Variants in TTN observed in about 807,000 individuals in gnomAD.
TTN encodes the protein connectin.
Under a neutral mutation model 3,223.0 loss-of-function variants are expected in TTN, and 1,525 were observed. That is an observed-to-expected ratio of 0.47 (90% CI 0.45 to 0.49). The LOEUF (loss-of-function observed/expected upper bound fraction) is 0.49. TTN is among the 20% of genes least tolerant of loss of function. TTN has a pLI of 0.00. For missense variants in TTN, 40,786 were observed against 43,424.0 expected, an observed-to-expected ratio of 0.94 and a Z score of 5.40; for synonymous variants, 14,094 against 15,161.0, an observed-to-expected ratio of 0.93 and a Z score of 5.17.
In TTN at chr2:178,663,587, A is replaced by G. The variant is rs370229754; in HGVS notation, c.36532+40T>C. Reference sequence around the variant, plus strand: ...CTAGAAAAATATTTTCCAGAGCAGAAGAGATACATCATCTGAAGCCTAAAA... The same window carrying G: ...CTAGAAAAATATTTTCCAGAGCAGAGGAGATACATCATCTGAAGCCTAAAA... On this transcript the variant is annotated intron_variant, in intron 171 of 362. Transcript: ENST00000589042. The G allele has an allele frequency of 1.6e-5, 26 of 1,613,530 alleles. 1 individual carries two copies. In the South Asian group the frequency reaches 2.3e-4, roughly 14 times the overall value.
Position 178,667,668 on chromosome 2 carries a change from G to T in TTN, c.35599C>A (p.Pro11867Thr), listed in dbSNP as rs938318331. ...GCTAGTTTGGGTTTTGTCTTTTGAGGTTGAGTCACAAGTACTTTTTCTTCT... is the reference window on the plus strand; with the variant it reads ...GCTAGTTTGGGTTTTGTCTTTTGAGTTTGAGTCACAAGTACTTTTTCTTCT... ...VLEEKVLVTQ[P>T]QKTKPKLAKV... The change falls in exon 160 of 363, where the codon CCT becomes ACT. Residue 11867 changes from proline to threonine, a missense_variant. By Grantham distance (38) the Pro-to-Thr change is conservative. Coordinates refer to ENST00000589042, the MANE Select transcript of TTN (RefSeq NM_001267550.2). 2 of 1,597,270 alleles carry T rather than the reference G, an allele frequency of 1.3e-6. No homozygotes were observed. Among genetic ancestry groups the T allele is most frequent in the Non-Finnish European group, 1.7e-6 (2 of 1,179,208 alleles).
In TTN at chr2:178,741,020, A is replaced by C; in HGVS notation, c.12213T>G (p.Ile4071Met). Residue 4071 changes from isoleucine to methionine, a missense_variant, in exon 48 of 363, where the codon ATT (isoleucine) becomes ATG (methionine). Transcript: ENST00000589042. The stretch of plus-strand genomic sequence containing the variant: ...AAATGGTGTCTTTTACAAACGTTGC[A>C]ATTTCCTGCTCTGAGTCAAGTGCTT... ...AVEALDSEQE[I>M]ATFVKDTILK... 1 of 1,613,918 alleles carries C rather than the reference A, an allele frequency of 6.2e-7. No homozygotes were observed. Among genetic ancestry groups the C allele is most frequent in the Non-Finnish European group, 8.5e-7 (1 of 1,179,830 alleles).
Position 178,571,593 on chromosome 2 carries a change from C to T in TTN, c.74539G>A (p.Glu24847Lys). The T allele has an allele frequency of 6.2e-7, 1 of 1,613,206 alleles. No individual in the cohort carries two copies. Among genetic ancestry groups the T allele is most frequent in the Non-Finnish European group, 8.5e-7 (1 of 1,179,564 alleles). The change falls in exon 326 of 363, where the codon GAG becomes AAG. Residue 24847 changes from glutamate (E) to lysine (K), a missense_variant. Physicochemically the swap from Glu to Lys is moderately conservative, Grantham distance 56. Coordinates refer to ENST00000589042, the MANE Select transcript of TTN (RefSeq NM_001267550.2). The part of the protein sequence containing the change: ...GGSSINNYIV[E>K]KRDTSTTTWQ... ...GTGGTTGTGGAAGTGTCCCGTTTCTCAACAATGTAATTATTGATAGAACTT... is the reference window on the plus strand; with the variant it reads ...GTGGTTGTGGAAGTGTCCCGTTTCTTAACAATGTAATTATTGATAGAACTT...
At position 178,542,723 on chromosome 2, in the gene TTN, G is replaced by GTA. The variant is rs748382770; in HGVS notation, c.97129_97130dup (p.Leu32379HisfsTer4). The GTA allele has an allele frequency of 1.9e-6, 3 of 1,613,794 alleles. No individual in the cohort carries two copies. Among genetic ancestry groups the GTA allele is most frequent in the Non-Finnish European group, 2.5e-6 (3 of 1,179,758 alleles). ...CGGTAACATTCTTCAATTCAAGTGT[G>GTA]TATTCTCCAGTATCTCTGATAGTGG... On this transcript the variant is annotated frameshift_variant, in exon 348 of 363. Transcript: ENST00000589042. LOFTEE classifies it high-confidence loss of function.
chr2:178,575,485 G>A lies in TTN; in HGVS notation c.70647C>T (p.Val23549=), dbSNP rs752532543. The A allele has an allele frequency of 8.1e-6, 13 of 1,613,572 alleles. No individual in the cohort carries two copies. The highest frequency in any genetic ancestry group is 1.3e-5 in the African/African-American group (1 of 74,910). Residue 23549 remains valine, a synonymous_variant, in exon 326 of 363, where the codon GTC becomes GTT. Coordinates refer to ENST00000589042, the MANE Select transcript of TTN (RefSeq NM_001267550.2). This position sits in a 1 kb window ranked among gnomAD's most constrained non-coding sequence, Gnocchi z 4.0. ...GTTTGGGCTTAGGCCATGCCAGGCT[G>A]ACGGTGCTCTTAGTTATGTCCATGA... The part of the protein sequence containing the change: ...LNIMDITKST[V]SLAWPKPKHD...
At chr2:178,722,216 G>A in intron 77 of TTN, 43 bp downstream of exon 77, 1 of 1,530,578 alleles carries the variant, frequency 6.5e-7, no homozygotes. Context: ...AATGAAATAT[G>A]AAGCCACAGT....
intron 25 of TTN, 21 bp from the exon 26 acceptor site, chr2:178,777,605 G>T: frequency 1.9e-6 from 3 of 1,613,536 alleles, no homozygotes; most frequent in Non-Finnish European, 2.5e-6. Context: ...ATGTTTAAAA[G>T]AAAGTAGATT....
chr2:178,582,105 A>T lies in TTN; in HGVS notation c.66264T>A (p.Thr22088=), dbSNP rs768454907. Residue 22088 remains threonine (T), a synonymous_variant, in exon 315 of 363, where the codon ACT becomes ACA. Transcript: ENST00000589042. ...TTTCCCGCTTTTCAAGCAAATAGCC[A>T]GTGATGGGTGAGCCCCCATCATCTG... ...PPADDGGSPI[T]GYLLEKRETQ... The T allele has an allele frequency of 6.2e-7, 1 of 1,613,084 alleles. No individual in the cohort carries two copies. The highest frequency in any genetic ancestry group is 8.5e-7 in the Non-Finnish European group (1 of 1,179,536).
At chr2:178,797,434 T>C (rs2093827736) in intron 6 of TTN, among the ~76,000 whole-genome samples, 2 of 151,636 alleles carry the variant, frequency 1.3e-5, no homozygotes, top group African/African-American at 4.8e-5. Context: ...TTTGTATCTT[T>C]TGTCTTTTTT....
rs752525191 is a variant in TTN, at chr2:178,747,583, C to T, written c.11311+5541G>A. ...CAGTGTTGAAAGTTACTTCTTCCAC[C>T]TCCATTGAAGTGATTGATTCACTCT... On this transcript the variant is annotated intron_variant, in intron 47 of 362. Coordinates refer to ENST00000589042, the MANE Select transcript of TTN (RefSeq NM_001267550.2). 3.1e-6 allele frequency: 5 copies of T among 1,613,260 alleles called. No individual in the cohort carries two copies. The Admixed American group carries it at 5.0e-5, about 16-fold the overall frequency.
chr2:178,730,878 A>G (rs767357437), intron 60 of TTN, 47 bp downstream of exon 60: 1 of 1,538,200 alleles, frequency 6.5e-7, no homozygotes, highest in Non-Finnish European at 8.7e-7. Flanking sequence ...TAAGGGAAGA[A>G]GGAGCATGGA....
In TTN at chr2:178,527,291, A is replaced by G; in HGVS notation, c.107697T>C (p.Ile35899=). 6.3e-7 allele frequency: 1 copy of G among 1,593,946 alleles called. No individual in the cohort carries two copies. The highest frequency in any genetic ancestry group is 8.6e-7 in the Non-Finnish European group (1 of 1,169,078). The change falls in exon 363 of 363, where the codon ATT becomes ATC. Residue 35899 remains isoleucine, a synonymous_variant. Transcript: ENST00000589042. ...TGCTGATATCAGATGGAAGAGCTTC[A>G]ATTTTAGGCGGAATTCCTTTATGGA... ...KAGIRGIPPK[I]EALPSDISID...
chr2:178,794,487 C>G lies in TTN; in HGVS notation c.1310G>C (p.Arg437Thr). 6.2e-7 allele frequency: 1 copy of G among 1,614,206 alleles called. No homozygotes were observed. Among genetic ancestry groups the G allele is most frequent in the Non-Finnish European group, 8.5e-7 (1 of 1,180,014 alleles). ...ATVVAAVDMA[R>T]VREPVISAVE... ...AGCGCTGATCACTGGTTCTCTCACT[C>G]TGGCCATATCAACGGCAGCAACAAC... The change falls in exon 8 of 363, where the codon AGA (arginine) becomes ACA (threonine). Residue 437 changes from arginine to threonine, a missense_variant. Transcript: ENST00000589042.
intron 121 of TTN, among the ~76,000 whole-genome samples, chr2:178,690,287 A>G (rs551061969): frequency 3.3e-5 from 5 of 152,344 alleles, no homozygotes; most frequent in African/African-American, 1.2e-4. Flanking sequence ...TAGTTTATCT[A>G]AGACTATTTT....
chr2:178,618,069 G>A lies in TTN; in HGVS notation c.47282C>T (p.Pro15761Leu). 1 of 1,612,130 alleles carries A rather than the reference G, an allele frequency of 6.2e-7. No individual in the cohort carries two copies. The highest frequency in any genetic ancestry group is 8.5e-7 in the Non-Finnish European group (1 of 1,179,004). Residue 15761 changes from proline (P) to leucine (L), a missense_variant, in exon 253 of 363, where the codon CCT (proline) becomes CTT (leucine). Pro to Leu is a moderately conservative substitution (Grantham distance 98). Coordinates refer to ENST00000589042, the MANE Select transcript of TTN (RefSeq NM_001267550.2). ...EARSKYDVPG[P>L]PLNVTITDVN... The stretch of plus-strand genomic sequence containing the variant: ...ATCAGTGATGGTTACATTCAAAGGA[G>A]GGCCTGGAACATCTGGATTTCACCA...
At position 178,531,505 on chromosome 2, in the gene TTN, G is replaced by A; in HGVS notation, c.105110C>T (p.Thr35037Ile). ...ATLDVTGGDYTTYASQRRDEE... is the reference protein window; with the variant it reads ...ATLDVTGGDYITYASQRRDEE... The stretch of plus-strand genomic sequence containing the variant: ...ATCTCTGCGTTGGGAAGCATAGGTG[G>A]TATAATCCCCTCCTGTCACGTCCAA... The change falls in exon 358 of 363, where the codon ACC becomes ATC. Residue 35037 changes from threonine to isoleucine, a missense_variant. By Grantham distance (89) the Thr-to-Ile change is moderately conservative. Transcript: ENST00000589042. The A allele has an allele frequency of 6.2e-7, 1 of 1,613,860 alleles. No individual in the cohort carries two copies. The highest frequency in any genetic ancestry group is 1.3e-5 in the African/African-American group (1 of 75,032).
At position 178,727,370 on chromosome 2, in the gene TTN, T is replaced by A. The variant is rs146828735; in HGVS notation, c.19995A>T (p.Glu6665Asp). ...DSCTTMLLVT[E>D]PPKFVKKLEA... ...CTAATTTCTTTACAAACTTTGGTGG[T>A]TCTAAAGAGTCAGGAAAGAGGAGAG... The change falls in exon 69 of 363, where the codon GAA becomes GAT. Residue 6665 changes from glutamate to aspartate, a missense_variant and splice_region_variant. Coordinates refer to ENST00000589042, the MANE Select transcript of TTN (RefSeq NM_001267550.2). The A allele has an allele frequency of 1.1e-4, 168 of 1,583,818 alleles. 2 individuals are homozygous for A. In the East Asian group the frequency reaches 3.8e-3, roughly 35 times the overall value.
Position 178,579,203 on chromosome 2 carries a change from T to C in TTN, c.67827A>G (p.Ile22609Met), listed in dbSNP as rs751153093. 8.1e-6 allele frequency: 13 copies of C among 1,613,496 alleles called. No homozygotes were observed. The South Asian group carries it at 8.8e-5, about 11-fold the overall frequency. The part of the protein sequence containing the change: ...VESSAVNTTL[I>M]VYDCQKSDAG... ...CATCAGATTTTTGGCAATCGTACACTATAAGAGTTGTGTTAACCGCAGATG... is the reference window on the plus strand; with the variant it reads ...CATCAGATTTTTGGCAATCGTACACCATAAGAGTTGTGTTAACCGCAGATG... Residue 22609 changes from isoleucine (I) to methionine (M), a missense_variant, in exon 320 of 363, where the codon ATA becomes ATG. Coordinates refer to ENST00000589042, the MANE Select transcript of TTN (RefSeq NM_001267550.2).
At chr2:178,783,865 T>G (rs1354038423) in intron 16 of TTN, 80 bp from the exon 17 acceptor site, 1 of 1,033,198 alleles carries the variant, frequency 9.7e-7, no homozygotes, top group Non-Finnish European at 1.3e-6. Flanking sequence ...TGCAACATTA[T>G]ATAATTATAA....
Sources: allele counts gnomAD v4.1 joint callset (sites outside exome capture counted in the v4.1 genomes callset), GRCh38; gene constraint gnomAD v4.1.1; non-coding constraint Gnocchi (gnomAD v3.1); transcripts MANE v1.5; gene names NCBI Gene and HGNC (gene_info 2026-07-23, HGNC 2026-07-21).